The following FHIT variants were observed in gnomAD, a reference collection of about 807,000 sequenced individuals.
FHIT encodes bis(5'-adenosyl)-triphosphatase.
In FHIT, 19 loss-of-function variants were observed where a neutral mutation model predicts 17.9. The observed-to-expected ratio is 1.06, with a 90% CI of 0.74 to 1.56. The LOEUF (loss-of-function observed/expected upper bound fraction) is 1.56. FHIT is among the 40% of genes most tolerant of loss of function. The pLI, the probability that FHIT is intolerant of heterozygous loss-of-function variation, is 0.00. For missense variants in FHIT, 248 were observed against 189.2 expected (o/e 1.31, Z -1.82); for synonymous variants, 81 against 69.7 (o/e 1.16, Z -0.81).
chr3:60,670,848 T>G (rs2107841710), intron 4 of FHIT, among the ~76,000 whole-genome samples: 1 of 152,320 alleles, frequency 6.6e-6, no homozygotes, highest in Admixed American at 6.5e-5. Context: ...TAAATGGACT[T>G]AACGGGGTTC....
At chr3:60,433,114 T>C (rs777073176) in intron 5 of FHIT, among the ~76,000 whole-genome samples, 4 of 152,120 alleles carry the variant, frequency 2.6e-5, no homozygotes, top group Non-Finnish European at 5.9e-5. Flanking sequence ...CCCCTGGTAA[T>C]GACCATTCTA....
intron 8 of FHIT, among the ~76,000 whole-genome samples, chr3:59,830,962 T>TTA (rs2106703285): frequency 6.6e-6 from 1 of 152,362 alleles, no homozygotes; most frequent in South Asian, 2.1e-4. Context: ...TGCTGGTATT[T>TTA]AAGACCAGGC....
At chr3:60,348,362 A>G (rs1710903702) in intron 5 of FHIT, among the ~76,000 whole-genome samples, 1 of 151,564 alleles carries the variant, frequency 6.6e-6, no homozygotes, top group Admixed American at 6.6e-5. Context: ...TAATGTTGAA[A>G]TCTTTTCACA....
intron 5 of FHIT, among the ~76,000 whole-genome samples, chr3:60,299,847 G>A (rs1339780266): frequency 1.3e-5 from 2 of 152,058 alleles, no homozygotes; most frequent in African/African-American, 4.8e-5. Flanking sequence ...GAGTAGGTAG[G>A]CCACACGTTT....
At chr3:60,559,162 TCTTA>T (rs1427753666) in intron 4 of FHIT, among the ~76,000 whole-genome samples, 1 of 152,170 alleles carries the variant, frequency 6.6e-6, no homozygotes, top group African/African-American at 2.4e-5. Flanking sequence ...ATGGCAAGCT[TCTTA>T]CTAATTAGCA....
intron 4 of FHIT, among the ~76,000 whole-genome samples, chr3:60,717,715 C>G (rs782821156): frequency 6.6e-6 from 1 of 152,114 alleles, no homozygotes; most frequent in Non-Finnish European, 1.5e-5. Flanking sequence ...TCAGAATTAC[C>G]TGTCTTGGGG....
intron 2 of FHIT, among the ~76,000 whole-genome samples, chr3:61,191,548 T>C (rs1045931083): frequency 1.3e-5 from 2 of 152,216 alleles, no homozygotes; most frequent in African/African-American, 4.8e-5. Flanking sequence ...CTTTTGGTTC[T>C]GTTTCTCTGA....
intron 2 of FHIT, among the ~76,000 whole-genome samples, chr3:61,070,099 G>A (rs2034752985): frequency 1.3e-5 from 2 of 152,060 alleles, no homozygotes; most frequent in African/African-American, 2.4e-5. Flanking sequence ...TCACCATGTT[G>A]GCCAGGCTGG....
At chr3:59,894,464 C>G (rs1199026763) in intron 8 of FHIT, among the ~76,000 whole-genome samples, 1 of 152,124 alleles carries the variant, frequency 6.6e-6, no homozygotes, top group African/African-American at 2.4e-5. Context: ...ATTGGCATTG[C>G]AGAGTAGAGT....
chr3:60,388,487 C>T (rs893381485), intron 5 of FHIT, among the ~76,000 whole-genome samples: 1 of 151,984 alleles, frequency 6.6e-6, no homozygotes, highest in Non-Finnish European at 1.5e-5. Flanking sequence ...CCTGTAGACC[C>T]AGCTACTCAG....
intron 5 of FHIT, among the ~76,000 whole-genome samples, chr3:60,039,596 G>A (rs1701354962): frequency 6.6e-6 from 1 of 152,126 alleles, no homozygotes; most frequent in Admixed American, 6.5e-5. Flanking sequence ...GTATAAAGAT[G>A]CACTAAATAT....
At chr3:59,847,160 A>C (rs1701752802) in intron 8 of FHIT, among the ~76,000 whole-genome samples, 1 of 152,146 alleles carries the variant, frequency 6.6e-6, no homozygotes, top group Non-Finnish European at 1.5e-5. Context: ...TTCTTCAAAT[A>C]ATCTCTCTGC....
intron 5 of FHIT, among the ~76,000 whole-genome samples, chr3:60,338,499 C>A (rs139481982): frequency 2.8e-4 from 43 of 152,214 alleles, no homozygotes; most frequent in African/African-American, 9.9e-4. Context: ...TATGTCTGGT[C>A]CCAGTATTTT....
intron 7 of FHIT, among the ~76,000 whole-genome samples, chr3:59,927,759 ACT>A (rs1468743579): frequency 6.6e-6 from 1 of 151,346 alleles, no homozygotes; most frequent in Non-Finnish European, 1.5e-5. Flanking sequence ...ACAGAGCAAG[ACT>A]CTGTCTCAAA....
chr3:60,156,127 G>C (rs958112142), intron 5 of FHIT, among the ~76,000 whole-genome samples: 4 of 150,696 alleles, frequency 2.7e-5, no homozygotes, highest in Non-Finnish European at 5.9e-5. Flanking sequence ...GCCCAGGCTG[G>C]AGGATCATGA....
At chr3:59,858,077 G>A (rs1702243637) in intron 8 of FHIT, among the ~76,000 whole-genome samples, 1 of 152,118 alleles carries the variant, frequency 6.6e-6, no homozygotes, top group Non-Finnish European at 1.5e-5. Context: ...TTGGAGACAA[G>A]TAAGTAATGC....
chr3:60,798,140 A>C (rs1701052181), intron 4 of FHIT, among the ~76,000 whole-genome samples: 1 of 152,198 alleles, frequency 6.6e-6, no homozygotes, highest in Non-Finnish European at 1.5e-5. Flanking sequence ...ACAATGCATA[A>C]GTGAATGGAG....
In FHIT at chr3:60,464,544, ACT is replaced by A. The variant is rs532352922; in HGVS notation, c.103+72314_103+72315del. On this transcript the variant is annotated intron_variant, in intron 5 of 9. Coordinates refer to ENST00000492590, the MANE Select transcript of FHIT (RefSeq NM_002012.4). ...CCCAGCTTCTGGTAACAATCCTTCTACTCTCTCTTTCCGTGAGCTCAGTTGTT... is the reference window on the plus strand; with the variant it reads ...CCCAGCTTCTGGTAACAATCCTTCTACTCTCTTTCCGTGAGCTCAGTTGTT... Among the ~76,000 whole-genome samples the A allele has an allele frequency of 3.0e-3, 453 of 151,004 alleles. 2 individuals are homozygous for A. Among genetic ancestry groups the A allele is most frequent in the Non-Finnish European group, 5.5e-3 (373 of 67,698 alleles).
chr3:59,994,487 G>A (rs536426040), intron 7 of FHIT, among the ~76,000 whole-genome samples: 12 of 152,142 alleles, frequency 7.9e-5, no homozygotes, highest in African/African-American at 1.2e-4. Context: ...ATCCCATGCC[G>A]CATCTGACAA....
Sources: gnomAD v4.1 joint callset for allele counts (sites outside exome capture counted in the v4.1 genomes callset) on GRCh38, gnomAD v4.1.1 for gene constraint, MANE v1.5 for transcripts, NCBI Gene and HGNC (gene_info 2026-07-23, HGNC 2026-07-21) for gene names.